Variants in C8orf88 observed in about 807,000 individuals in gnomAD.
C8orf88 encodes chromosome 8 open reading frame 88, also known as uncharacterized protein C8orf88.
A neutral mutation model predicts 18.4 loss-of-function variants in C8orf88; 14 were observed. The observed-to-expected ratio is 0.76, with a 90% CI of 0.50 to 1.19. The LOEUF is 1.19. C8orf88 is among the 50% of genes most tolerant of loss of function. C8orf88 has a pLI of 0.00. For synonymous variants in C8orf88, 45 were observed against 42.9 expected (o/e 1.05, Z -0.19); for missense variants, 116 against 134.7 (o/e 0.86, Z 0.69).
chr8:90,983,481 T>G (rs1218030416), intron 1 of C8orf88, among the ~76,000 whole-genome samples: 1 of 152,110 alleles, frequency 6.6e-6, no homozygotes, highest in Admixed American at 6.5e-5. Context: ...TTTAAAAAAT[T>G]TACCTAAGTA....
intron 4 of C8orf88, among the ~76,000 whole-genome samples, chr8:90,965,537 C>A (rs1390345497): frequency 6.6e-6 from 1 of 151,774 alleles, no homozygotes; most frequent in East Asian, 1.9e-4. Context: ...CTTTACCCAA[C>A]AACAGCAGAA....
chr8:90,977,975 CAGAG>C (rs1261550047), intron 3 of C8orf88, among the ~76,000 whole-genome samples: 1 of 151,132 alleles, frequency 6.6e-6, no homozygotes, highest in Non-Finnish European at 1.5e-5. Flanking sequence ...AAACAAAAGA[CAGAG>C]AGAGAAAGAA....
At chr8:90,974,663 GA>G in intron 3 of C8orf88, among the ~76,000 whole-genome samples, 1 of 152,204 alleles carries the variant, frequency 6.6e-6, no homozygotes, top group Admixed American at 6.5e-5. Flanking sequence ...TGTTCATAAA[GA>G]AAGATAATAC....
chr8:90,984,839 G>T (rs1349788818), intron 1 of C8orf88, among the ~76,000 whole-genome samples: 1 of 152,098 alleles, frequency 6.6e-6, no homozygotes, highest in African/African-American at 2.4e-5. Context: ...TTTGGCGATG[G>T]CTTTGGTCTC....
At chr8:90,968,246 A>C (rs1811232091) in intron 4 of C8orf88, among the ~76,000 whole-genome samples, 1 of 151,720 alleles carries the variant, frequency 6.6e-6, no homozygotes, top group African/African-American at 2.4e-5. Context: ...GAACAGAATT[A>C]AGAGTCCAGG....
intron 5 of C8orf88, 74 bp downstream of exon 5, chr8:90,960,668 A>G (rs1429163968): frequency 2.6e-6 from 2 of 770,550 alleles, no homozygotes; most frequent in Non-Finnish European, 4.0e-6. Flanking sequence ...ATCTAGAGGT[A>G]GAGTCTGATG....
At chr8:90,965,881 G>A (rs187820043) in intron 4 of C8orf88, among the ~76,000 whole-genome samples, 2 of 151,810 alleles carry the variant, frequency 1.3e-5, no homozygotes, top group South Asian at 2.1e-4. Context: ...AGCAAAAACA[G>A]TGTTCAGATC....
intron 4 of C8orf88, among the ~76,000 whole-genome samples, chr8:90,964,896 TA>T (rs766999009): frequency 1.3e-5 from 2 of 150,924 alleles, no homozygotes; most frequent in Middle Eastern, 3.7e-3. Context: ...TAAAGCAAAC[TA>T]AAAGGATATA....
upstream of C8orf88, chr8:90,985,308 A>G (rs1449345103): frequency 2.0e-5 from 3 of 149,954 alleles, no homozygotes; most frequent in Non-Finnish European, 4.5e-5. Flanking sequence ...TCCGAGGGGC[A>G]CGAGGCGGGC....
intron 1 of C8orf88, among the ~76,000 whole-genome samples, chr8:90,981,993 T>C (rs1390505885): frequency 6.6e-6 from 1 of 152,176 alleles, no homozygotes; most frequent in Non-Finnish European, 1.5e-5. Flanking sequence ...ATCCTATTTT[T>C]TAAATATCTT....
chr8:90,981,941 T>C (rs1231260338), intron 1 of C8orf88, among the ~76,000 whole-genome samples: 1 of 152,144 alleles, frequency 6.6e-6, no homozygotes, highest in Non-Finnish European at 1.5e-5. Context: ...TCACCAAGTA[T>C]AAGATAGAGT....
intron 4 of C8orf88, among the ~76,000 whole-genome samples, chr8:90,961,537 A>C (rs1811127247): frequency 6.6e-6 from 1 of 151,352 alleles, no homozygotes; most frequent in Admixed American, 6.6e-5. Context: ...ATGTGAAGGA[A>C]AGACATTTTC....
rs1199237408 is a variant in C8orf88 at position 90,978,633 on chromosome 8, G to C, written c.93C>G (p.Asn31Lys). The C allele has an allele frequency of 6.5e-7, 1 of 1,528,024 alleles. No individual in the cohort carries two copies. The highest frequency in any genetic ancestry group is 8.8e-7 in the Non-Finnish European group (1 of 1,142,306). 94.7% of individuals were successfully genotyped at this position (1,528,024 alleles called of 1,614,324 possible). Reference sequence around the variant, plus strand: ...TGTTGCATGGATATTCGTTTTGAAAGTTGAAAGGGAACACTGCTCCTGTTA... The same window carrying C: ...TGTTGCATGGATATTCGTTTTGAAACTTGAAAGGGAACACTGCTCCTGTTA... ...TSPPGAVFPF[N>K]FQNEYPCNTQ... Residue 31 changes from asparagine to lysine, a missense_variant, in exon 3 of 6, where the codon AAC (asparagine) becomes AAG (lysine). By Grantham distance (94) the Asn-to-Lys change is moderately conservative (BLOSUM62 0). Coordinates refer to ENST00000517562, the MANE Select transcript of C8orf88 (RefSeq NM_001190972.2).
intron 3 of C8orf88, among the ~76,000 whole-genome samples, chr8:90,973,374 A>G (rs1811309092): frequency 6.6e-6 from 1 of 152,194 alleles, no homozygotes; most frequent in Non-Finnish European, 1.5e-5. Flanking sequence ...AAAAGGTTAA[A>G]CAGAGGAGTA....
intron 1 of C8orf88, among the ~76,000 whole-genome samples, chr8:90,981,724 C>T (rs1180306288): frequency 1.3e-5 from 2 of 152,098 alleles, no homozygotes; most frequent in Non-Finnish European, 2.9e-5. Flanking sequence ...GTATCTGCAA[C>T]ATAGATTTAT....
chr8:90,959,516 G>A (rs1156544429), intron 5 of C8orf88: 1 of 151,312 alleles, frequency 6.6e-6, no homozygotes, highest in Non-Finnish European at 1.5e-5. Context: ...GAAACATCAA[G>A]TACATTTTTT....
At chr8:90,981,555 T>C (rs1025254835) in intron 1 of C8orf88, among the ~76,000 whole-genome samples, 1 of 152,118 alleles carries the variant, frequency 6.6e-6, no homozygotes, top group South Asian at 2.1e-4. Flanking sequence ...ATAACAATAA[T>C]AATAATTCCT....
intron 2 of C8orf88, 107 bp downstream of exon 2, chr8:90,980,256 C>A (rs955557608): frequency 1.6e-6 from 1 of 637,826 alleles, no homozygotes; most frequent in African/African-American, 1.9e-5. Flanking sequence ...TTCATTATTT[C>A]TTTAAATATC....
chr8:90,965,165 T>G (rs746806068), intron 4 of C8orf88, among the ~76,000 whole-genome samples: 3 of 151,572 alleles, frequency 2.0e-5, no homozygotes, highest in Non-Finnish European at 3.0e-5. Flanking sequence ...AAAAATAAGT[T>G]GAAACTGAAA....
Sources: gnomAD v4.1 joint callset for allele counts (sites outside exome capture counted in the v4.1 genomes callset) on GRCh38, gnomAD v4.1.1 for gene constraint, MANE v1.5 for transcripts, NCBI Gene and HGNC (gene_info 2026-07-23, HGNC 2026-07-21) for gene names.